The following TGFBR3 variants were observed in gnomAD, a reference collection of about 807,000 sequenced individuals.
TGFBR3 encodes the protein transforming growth factor beta receptor type 3.
In TGFBR3, 46 loss-of-function variants were observed where a neutral mutation model predicts 87.9. The ratio of observed to expected loss-of-function variants is 0.52; its 90% CI spans 0.41 to 0.67. The LOEUF (loss-of-function observed/expected upper bound fraction) is 0.67, where lower values mean the gene tolerates loss of function less well. TGFBR3 is among the 30% of genes least tolerant of loss of function. TGFBR3 has a pLI of 0.00. For missense variants in TGFBR3, 866 were observed against 1,041.9 expected (o/e 0.83, Z 2.32); for synonymous variants, 381 against 391.6 (o/e 0.97, Z 0.32).
intron 2 of TGFBR3, among the ~76,000 whole-genome samples, chr1:91,841,696 A>G (rs1406676989): frequency 4.0e-5 from 6 of 150,258 alleles, no homozygotes; most frequent in African/African-American, 1.5e-4. Context: ...CAGGAGGTTG[A>G]GGCAGGAGAA....
intron 3 of TGFBR3, among the ~76,000 whole-genome samples, chr1:91,759,692 A>G (rs868442707): frequency 1.1e-4 from 16 of 152,232 alleles, no homozygotes; most frequent in Admixed American, 1.3e-4. Flanking sequence ...CAAGAATCAC[A>G]TATTTAAACA....
At chr1:91,847,435 T>G (rs1343247891) in intron 2 of TGFBR3, among the ~76,000 whole-genome samples, 1 of 151,482 alleles carries the variant, frequency 6.6e-6, no homozygotes. Flanking sequence ...GAAACCCCAT[T>G]CCTACTAAAA....
intron 2 of TGFBR3, among the ~76,000 whole-genome samples, chr1:91,853,732 G>A (rs542648109): frequency 8.5e-5 from 13 of 152,150 alleles, no homozygotes; most frequent in Non-Finnish European, 1.9e-4. Context: ...CCAAACTCAT[G>A]GCCGGGAGCG....
intron 1 of TGFBR3, among the ~76,000 whole-genome samples, chr1:91,862,956 C>CA (rs1211251852): frequency 6.6e-6 from 1 of 151,790 alleles, no homozygotes; most frequent in Non-Finnish European, 1.5e-5. Context: ...GATAACAGTA[C>CA]AAAAAAAATT....
At chr1:91,896,798 C>T (rs560332959) in intron 2 of TGFBR3, among the ~76,000 whole-genome samples, 2 of 152,134 alleles carry the variant, frequency 1.3e-5, no homozygotes, top group South Asian at 4.2e-4. Context: ...CTGGCTATTT[C>T]CTTCTAGAGA....
At chr1:91,801,077 C>A in intron 2 of TGFBR3, 1 of 160,108 alleles carries the variant, frequency 6.2e-6, no homozygotes, top group South Asian at 7.5e-5. Flanking sequence ...GAGCAAAACT[C>A]TGTCTCAAAA....
chr1:91,744,384 C>T (rs72714496), intron 4 of TGFBR3, among the ~76,000 whole-genome samples: 15,559 of 152,170 alleles, frequency 0.1, 1,271 homozygotes, highest in East Asian at 0.4. Flanking sequence ...CCATGCCCAG[C>T]CACTCAGCCT....
intron 14 of TGFBR3, among the ~76,000 whole-genome samples, chr1:91,699,093 C>T (rs908636047): frequency 1.4e-4 from 22 of 152,148 alleles, no homozygotes; most frequent in African/African-American, 5.1e-4. Flanking sequence ...TTTAACATGG[C>T]ACACAAAGTT....
At chr1:91,800,356 A>G (rs2996484) in intron 2 of TGFBR3, among the ~76,000 whole-genome samples, 38,888 of 130,534 alleles carry the variant, frequency 0.3, 5,983 homozygotes, top group Middle Eastern at 0.38. Context: ...GTGTGTGTGT[A>G]TATAAAAGCA....
intron 13 of TGFBR3, among the ~76,000 whole-genome samples, chr1:91,709,605 T>C (rs1430716109): frequency 6.6e-6 from 1 of 152,222 alleles, no homozygotes; most frequent in Non-Finnish European, 1.5e-5. Context: ...TCCTGGGGGC[T>C]GTGCCCAGGT....
At chr1:91,786,213 A>T (rs1230860302) in intron 3 of TGFBR3, 3 of 456,276 alleles carry the variant, frequency 6.6e-6, no homozygotes, top group Middle Eastern at 3.3e-4. Flanking sequence ...CTTAATAGTG[A>T]TTCATTGAAC....
chr1:91,803,539 C>CTT (rs545937797), intron 2 of TGFBR3, among the ~76,000 whole-genome samples: 25 of 145,802 alleles, frequency 1.7e-4, no homozygotes, highest in Admixed American at 4.1e-4. Context: ...CTCTGAACTG[C>CTT]TTTTTTTTTT....
chr1:91,849,954 T>C lies in TGFBR3; in HGVS notation c.61+11517A>G, dbSNP rs554679854. Among the ~76,000 whole-genome samples the C allele has an allele frequency of 1.1e-4, 16 of 151,000 alleles. No individual in the cohort carries two copies. In the East Asian group the frequency reaches 1.2e-3, roughly 11 times the overall value. ...AAAATTAGCCGGGCATGGTGGCGGG[T>C]GCCTGTAGTCCCAGCTACTCGGGAG... On this transcript the variant is annotated intron_variant, in intron 2 of 16. Transcript: ENST00000212355.
chr1:91,786,720 C>T (rs949599800), intron 3 of TGFBR3, among the ~76,000 whole-genome samples: 5 of 151,322 alleles, frequency 3.3e-5, no homozygotes, highest in Non-Finnish European at 4.4e-5. Flanking sequence ...CAATGCACTC[C>T]AGCCTGGGTG....
intron 14 of TGFBR3, among the ~76,000 whole-genome samples, chr1:91,701,370 C>G (rs1266589324): frequency 6.6e-6 from 1 of 152,028 alleles, no homozygotes; most frequent in Non-Finnish European, 1.5e-5. Context: ...GGCTTGATCT[C>G]CACCGGAACC....
chr1:91,816,896 C>T (rs1557726213), intron 2 of TGFBR3, among the ~76,000 whole-genome samples: 2 of 152,152 alleles, frequency 1.3e-5, no homozygotes, highest in South Asian at 2.1e-4. Flanking sequence ...TTTTCACTTA[C>T]TCCCATATAA....
At chr1:91,826,707 A>G (rs1433256221) in intron 2 of TGFBR3, among the ~76,000 whole-genome samples, 2 of 149,992 alleles carry the variant, frequency 1.3e-5, no homozygotes, top group Non-Finnish European at 2.9e-5. Context: ...AGTATTAAAT[A>G]AAATTAGTCA....
intron 4 of TGFBR3, among the ~76,000 whole-genome samples, chr1:91,754,749 T>C (rs982119508): frequency 6.6e-6 from 1 of 152,190 alleles, no homozygotes; most frequent in South Asian, 2.1e-4. Flanking sequence ...CTGGGTAACA[T>C]AAGGCCCTCC....
chr1:91,688,576 G>T (rs1671169607), intron 16 of TGFBR3, among the ~76,000 whole-genome samples: 1 of 152,128 alleles, frequency 6.6e-6, no homozygotes, highest in South Asian at 2.1e-4. Flanking sequence ...TCAACTTTAA[G>T]GCTGCTCTGA....
Sources: allele counts gnomAD v4.1 joint callset (sites outside exome capture counted in the v4.1 genomes callset), GRCh38; gene constraint gnomAD v4.1.1; transcripts MANE v1.5; gene names NCBI Gene and HGNC (gene_info 2026-07-23, HGNC 2026-07-21).